Variants in TMEM132C observed in about 807,000 individuals in gnomAD.
TMEM132C encodes protein phosphatase 1, regulatory subunit 152.
Under a neutral mutation model 61.4 loss-of-function variants are expected in TMEM132C, and 29 were observed. The observed-to-expected ratio is 0.47, with a 90% CI of 0.35 to 0.64. TMEM132C has a LOEUF of 0.64. Among genes scored for constraint, TMEM132C ranks in the 30% least tolerant of loss-of-function variants. The pLI is 0.00. For synonymous variants in TMEM132C, 656 were observed against 633.1 expected, an observed-to-expected ratio of 1.04 and a Z score of -0.54; for missense variants, 1,408 against 1,476.9, an observed-to-expected ratio of 0.95 and a Z score of 0.76.
At chr12:128,540,839 G>A (rs750778758) in intron 2 of TMEM132C, among the ~76,000 whole-genome samples, 15 of 152,102 alleles carry the variant, frequency 9.9e-5, no homozygotes, top group South Asian at 2.1e-4. Flanking sequence ...TGGAGAAATC[G>A]TCAGGGCCCG....
intron 2 of TMEM132C, among the ~76,000 whole-genome samples, chr12:128,538,077 C>A (rs961194671): frequency 6.6e-6 from 1 of 151,986 alleles, no homozygotes; most frequent in African/African-American, 2.4e-5. Flanking sequence ...ACTACAGGCA[C>A]ACTCTGTCAT....
At chr12:128,434,330 C>T (rs968643648) in intron 2 of TMEM132C, among the ~76,000 whole-genome samples, 7 of 152,186 alleles carry the variant, frequency 4.6e-5, no homozygotes, top group African/African-American at 1.7e-4. Flanking sequence ...GACGGAGTTT[C>T]TCTCTTGTCG....
chr12:128,594,784 C>T (rs1593113048), intron 3 of TMEM132C, among the ~76,000 whole-genome samples: 1 of 152,198 alleles, frequency 6.6e-6, no homozygotes, highest in East Asian at 1.9e-4. Flanking sequence ...GAAATTGCAG[C>T]CTTTAAACTG....
chr12:128,351,708 A>C (rs1873341465), intron 1 of TMEM132C, among the ~76,000 whole-genome samples: 1 of 152,126 alleles, frequency 6.6e-6, no homozygotes, highest in Non-Finnish European at 1.5e-5. Context: ...TGTGGGAACT[A>C]AGGGGGAGGG....
chr12:128,452,731 G>A (rs547791565), intron 2 of TMEM132C, among the ~76,000 whole-genome samples: 133 of 151,926 alleles, frequency 8.8e-4, no homozygotes, highest in African/African-American at 3.0e-3. Flanking sequence ...AAAACTTAAG[G>A]CAATGTTTCC....
chr12:128,479,983 C>T (rs1041997458), intron 2 of TMEM132C, among the ~76,000 whole-genome samples: 1 of 152,170 alleles, frequency 6.6e-6, no homozygotes, highest in African/African-American at 2.4e-5. Flanking sequence ...TTTGCCCAGG[C>T]ATGGTGGCTC....
At chr12:128,548,610 A>G (rs1316901092) in intron 3 of TMEM132C, among the ~76,000 whole-genome samples, 1 of 152,174 alleles carries the variant, frequency 6.6e-6, no homozygotes, top group African/African-American at 2.4e-5. Flanking sequence ...ATAAGGTAAC[A>G]TATTCATAGG....
intron 1 of TMEM132C, among the ~76,000 whole-genome samples, chr12:128,379,361 A>G (rs1239018272): frequency 6.6e-6 from 1 of 152,206 alleles, no homozygotes; most frequent in Non-Finnish European, 1.5e-5. Context: ...CACAGTTTGG[A>G]GGATTCTGCC....
intron 3 of TMEM132C, among the ~76,000 whole-genome samples, chr12:128,576,370 C>T (rs1753305184): frequency 6.6e-6 from 1 of 152,140 alleles, no homozygotes. Flanking sequence ...AAAGAGCAAA[C>T]CATTGCAAAG....
chr12:128,352,006 C>T (rs1049676646), intron 1 of TMEM132C, among the ~76,000 whole-genome samples: 2 of 152,158 alleles, frequency 1.3e-5, no homozygotes, highest in Non-Finnish European at 2.9e-5. Context: ...GTGTTCCTGT[C>T]TGAAGGCTGT....
chr12:128,436,989 CT>C (rs1869619704), intron 2 of TMEM132C, among the ~76,000 whole-genome samples: 1 of 152,164 alleles, frequency 6.6e-6, no homozygotes, highest in Admixed American at 6.5e-5. Flanking sequence ...AGTTCATGTC[CT>C]TTGTAGGGAC....
intron 1 of TMEM132C, among the ~76,000 whole-genome samples, chr12:128,339,984 G>A (rs1032949155): frequency 9.2e-5 from 14 of 152,154 alleles, no homozygotes; most frequent in Admixed American, 7.9e-4. Flanking sequence ...TGTTTGTACA[G>A]ACATTTTTTA....
chr12:128,302,696 A>G (rs1231545379), intron 1 of TMEM132C, among the ~76,000 whole-genome samples: 1 of 152,252 alleles, frequency 6.6e-6, no homozygotes, highest in East Asian at 1.9e-4. Context: ...TCTTTGGAGC[A>G]GCTTGTAAGG....
intron 4 of TMEM132C, among the ~76,000 whole-genome samples, chr12:128,640,068 T>G (rs12814042): frequency 0.12 from 18,983 of 152,258 alleles, 1,315 homozygotes; most frequent in Non-Finnish European, 0.16. Context: ...TATTGGAGGC[T>G]GCATCCCTGC....
chr12:128,303,029 A>G (rs1871646471), intron 1 of TMEM132C, among the ~76,000 whole-genome samples: 1 of 152,236 alleles, frequency 6.6e-6, no homozygotes, highest in Admixed American at 6.5e-5. Flanking sequence ...GCAAGAATCA[A>G]TAAATCAGTG....
chr12:128,309,037 G>A (rs1008515069), intron 1 of TMEM132C, among the ~76,000 whole-genome samples: 1 of 151,974 alleles, frequency 6.6e-6, no homozygotes, highest in African/African-American at 2.4e-5. Context: ...ACAGAAAGTA[G>A]AGGAGACAAT....
intron 3 of TMEM132C, among the ~76,000 whole-genome samples, chr12:128,596,494 G>A: frequency 7.0e-6 from 1 of 143,816 alleles, no homozygotes; most frequent in Admixed American, 7.0e-5. Context: ...GTCACACTGG[G>A]CTGCCCCTTT....
intron 1 of TMEM132C, among the ~76,000 whole-genome samples, chr12:128,333,105 CTG>C (rs1872702035): frequency 6.6e-6 from 1 of 151,122 alleles, no homozygotes; most frequent in African/African-American, 2.4e-5. Flanking sequence ...TGTATGAACG[CTG>C]TGTGTTTATG....
At chr12:128,668,860 C>T (rs1195354793) in intron 4 of TMEM132C, among the ~76,000 whole-genome samples, 1 of 152,186 alleles carries the variant, frequency 6.6e-6, no homozygotes, top group African/African-American at 2.4e-5. Context: ...CTCCTCTGAC[C>T]TTCATGGCTC....
Sources: allele counts gnomAD v4.1 joint callset (sites outside exome capture counted in the v4.1 genomes callset), GRCh38; gene constraint gnomAD v4.1.1; transcripts MANE v1.5; gene names NCBI Gene and HGNC (gene_info 2026-07-23, HGNC 2026-07-21).